FANCB: variants seen among roughly 807,000 people sequenced by gnomAD.
FANCB encodes the protein FA complementation group B.
A neutral mutation model predicts 38.9 loss-of-function variants in FANCB; 5 were observed. That is an observed-to-expected ratio of 0.13 (90% CI 0.07 to 0.27). FANCB has a LOEUF of 0.27. Among genes scored for constraint, FANCB ranks in the 10% least tolerant of loss-of-function variants. FANCB has a pLI of 1.00. For missense variants in FANCB, 573 were observed against 602.7 expected, an observed-to-expected ratio of 0.95 and a Z score of 0.52; for synonymous variants, 236 against 215.4, an observed-to-expected ratio of 1.10 and a Z score of -0.84.
chrX:14,795,932 G>C, the FANCB span, among the ~76,000 whole-genome samples: 4 of 111,979 alleles, frequency 3.6e-5, no homozygotes, highest in Admixed American at 2.8e-4. Flanking sequence ...TAGCACTACA[G>C]ATCTGTTGCT....
chrX:14,754,079 G>A, the FANCB span, among the ~76,000 whole-genome samples: 2 of 111,992 alleles, frequency 1.8e-5, no homozygotes, highest in Non-Finnish European at 3.8e-5. Flanking sequence ...GACGCATTGT[G>A]AGAGTGTGTC....
the FANCB span, among the ~76,000 whole-genome samples, chrX:14,824,714 C>G: frequency 8.9e-6 from 1 of 112,326 alleles, no homozygotes; most frequent in East Asian, 2.8e-4. Context: ...ACTTCTAGAA[C>G]GTAGTAACTT....
the FANCB span, among the ~76,000 whole-genome samples, chrX:14,733,188 G>A: frequency 9.0e-6 from 1 of 111,430 alleles, no homozygotes; most frequent in Non-Finnish European, 1.9e-5. Flanking sequence ...GTAGATGTGT[G>A]GTATTATTTC....
chrX:14,801,989 CA>C, the FANCB span, among the ~76,000 whole-genome samples: 1 of 111,741 alleles, frequency 8.9e-6, no homozygotes, highest in African/African-American at 3.3e-5. Flanking sequence ...ACTGTGGTCA[CA>C]TGATTTATCT....
the FANCB span, among the ~76,000 whole-genome samples, chrX:14,746,607 A>G: frequency 3.6e-5 from 4 of 112,007 alleles, no homozygotes; most frequent in Non-Finnish European, 3.8e-5. Flanking sequence ...CAAAGACAGA[A>G]ACAAAGCGGA....
At chrX:14,799,654 G>C in the FANCB span, among the ~76,000 whole-genome samples, 2 of 111,791 alleles carry the variant, frequency 1.8e-5, no homozygotes, top group African/African-American at 6.5e-5. Flanking sequence ...AAGGTGACAG[G>C]GTTCAGAGGG....
chrX:14,812,507 C>T, the FANCB span, among the ~76,000 whole-genome samples: 1 of 112,095 alleles, frequency 8.9e-6, no homozygotes, highest in Non-Finnish European at 1.9e-5. Context: ...CACAGAAATA[C>T]AAACTACCAT....
the FANCB span, among the ~76,000 whole-genome samples, chrX:14,767,945 C>G: frequency 8.9e-6 from 1 of 111,893 alleles, no homozygotes. Flanking sequence ...ACAGTCCTTT[C>G]CCTATTGCTT....
the FANCB span, among the ~76,000 whole-genome samples, chrX:14,715,250 C>T: frequency 8.9e-6 from 1 of 112,271 alleles, no homozygotes; most frequent in Non-Finnish European, 1.9e-5. Context: ...TAGAAAACCT[C>T]AGTTATTGAG....
chrX:14,866,350 C>T lies in FANCB; in HGVS notation c.-70-770G>A, dbSNP rs186307626. On this transcript the variant is annotated intron_variant, in intron 2 of 9. Coordinates refer to ENST00000650831, the MANE Select transcript of FANCB (RefSeq NM_001018113.3). ...ATTCAAGCTTATTATATGGCAGGTA[C>T]AATACATGCATTATTTAATTCTAAT... Among the ~76,000 whole-genome samples, 14 of 111,750 alleles carry T rather than the reference C, an allele frequency of 1.3e-4. No individual in the cohort carries two copies. The East Asian group carries it at 3.9e-3, about 31-fold the overall frequency.
At chrX:14,864,423 T>C (rs1432431133) in intron 3 of FANCB, 137 bp downstream of exon 3, 4 of 487,635 alleles carry the variant, frequency 8.2e-6, no homozygotes, top group African/African-American at 4.8e-5. Flanking sequence ...AAAAGAACAA[T>C]GTAATATTTA....
At chrX:14,779,074 C>T in the FANCB span, among the ~76,000 whole-genome samples, 5 of 111,864 alleles carry the variant, frequency 4.5e-5, no homozygotes, top group East Asian at 1.4e-3. Flanking sequence ...AACTCCTGTT[C>T]CTCAAGGTAA....
At chrX:14,718,019 T>C in the FANCB span, among the ~76,000 whole-genome samples, 1 of 111,175 alleles carries the variant, frequency 9.0e-6, no homozygotes, top group East Asian at 2.9e-4. Flanking sequence ...GTATCATTAC[T>C]GAGATGAAGT....
chrX:14,853,683 C>A (rs773591814), intron 5 of FANCB, among the ~76,000 whole-genome samples: 2 of 111,913 alleles, frequency 1.8e-5, no homozygotes, highest in East Asian at 5.6e-4. Flanking sequence ...ATTATAACAG[C>A]CCCCAAACTA....
At chrX:14,701,002 C>G in the FANCB span, among the ~76,000 whole-genome samples, 4 of 109,724 alleles carry the variant, frequency 3.6e-5, no homozygotes, top group East Asian at 8.6e-4. Flanking sequence ...AGAATAAGGA[C>G]ATGGCAAGTT....
At chrX:14,755,582 A>C in the FANCB span, among the ~76,000 whole-genome samples, 1 of 111,868 alleles carries the variant, frequency 8.9e-6, no homozygotes, top group Non-Finnish European at 1.9e-5. Flanking sequence ...CATGGGAATA[A>C]ATTTCATCAA....
At chrX:14,765,051 T>G in the FANCB span, among the ~76,000 whole-genome samples, 1 of 112,329 alleles carries the variant, frequency 8.9e-6, no homozygotes, top group South Asian at 3.7e-4. Context: ...AAATACTGCA[T>G]GGGACATACT....
chrX:14,783,802 A>C, the FANCB span, among the ~76,000 whole-genome samples: 1 of 113,053 alleles, frequency 8.8e-6, no homozygotes, highest in Non-Finnish European at 1.9e-5. Context: ...CCTTGAATGC[A>C]ACAGCTATAA....
downstream of FANCB, chrX:14,835,284 C>T (rs186297070): frequency 4.0e-6 from 2 of 505,583 alleles, no homozygotes; most frequent in Non-Finnish European, 7.1e-6. Context: ...GTTCTGGGGC[C>T]TCAGGGGGCT....
Sources: allele counts gnomAD v4.1 joint callset (sites outside exome capture counted in the v4.1 genomes callset), GRCh38; gene constraint gnomAD v4.1.1; transcripts MANE v1.5; gene names NCBI Gene and HGNC (gene_info 2026-07-23, HGNC 2026-07-21).